The following GRIK2 variants were observed in gnomAD, a reference collection of about 807,000 sequenced individuals.
GRIK2 encodes the protein glutamate receptor ionotropic, kainate 2.
GRIK2 carries 32 observed loss-of-function variants against 100.3 expected under a neutral mutation model. The ratio of observed to expected loss-of-function variants is 0.32; its 90% CI spans 0.24 to 0.43. The LOEUF is 0.43. Among genes scored for constraint, GRIK2 ranks in the 20% least tolerant of loss-of-function variants. GRIK2 has a pLI of 1.00. For synonymous variants in GRIK2, 417 were observed against 389.4 expected (o/e 1.07, Z -0.83); for missense variants, 843 against 1,114.9 (o/e 0.76, Z 3.47).
chr6:101,775,561 TAC>T (rs1464339063), intron 7 of GRIK2, among the ~76,000 whole-genome samples: 17 of 149,934 alleles, frequency 1.1e-4, no homozygotes, highest in South Asian at 4.2e-4. Context: ...GATATATATA[TAC>T]ACACACACAC....
At chr6:101,503,457 C>T (rs1649693490) in intron 2 of GRIK2, among the ~76,000 whole-genome samples, 1 of 152,066 alleles carries the variant, frequency 6.6e-6, no homozygotes, top group African/African-American at 2.4e-5. Context: ...TATCCAAAGT[C>T]ATCATTTTTG....
At chr6:101,777,589 A>T (rs1047795114) in intron 7 of GRIK2, among the ~76,000 whole-genome samples, 4 of 152,196 alleles carry the variant, frequency 2.6e-5, no homozygotes, top group Admixed American at 6.5e-5. Flanking sequence ...ACAAGGCAAT[A>T]GGGATTTTTT....
At chr6:101,516,188 A>G (rs1774575656) in intron 2 of GRIK2, among the ~76,000 whole-genome samples, 1 of 152,128 alleles carries the variant, frequency 6.6e-6, no homozygotes, top group Non-Finnish European at 1.5e-5. Context: ...ATTCAATGCA[A>G]TCCCCATCAG....
At chr6:101,924,991 G>A (rs532551421) in intron 13 of GRIK2, among the ~76,000 whole-genome samples, 3 of 152,044 alleles carry the variant, frequency 2.0e-5, no homozygotes, top group African/African-American at 7.2e-5. Context: ...AGATAACCAA[G>A]CTAACCTGAT....
intron 4 of GRIK2, among the ~76,000 whole-genome samples, chr6:101,639,730 A>G (rs1016168348): frequency 5.3e-5 from 8 of 152,176 alleles, no homozygotes. Flanking sequence ...CAGAGATAAC[A>G]TTATCTAAGC....
At chr6:101,954,575 A>G (rs907950912) in intron 14 of GRIK2, among the ~76,000 whole-genome samples, 34 of 152,154 alleles carry the variant, frequency 2.2e-4, no homozygotes, top group Non-Finnish European at 2.1e-4. Flanking sequence ...GCAGTGGGTT[A>G]GAACTCTTCT....
intron 5 of GRIK2, among the ~76,000 whole-genome samples, chr6:101,680,351 TTGTTC>T (rs1207221086): frequency 6.6e-6 from 1 of 152,140 alleles, no homozygotes; most frequent in South Asian, 2.1e-4. Context: ...GAGTCAAAAA[TTGTTC>T]TACAACTTTG....
intron 2 of GRIK2, among the ~76,000 whole-genome samples, chr6:101,581,192 ACATATATATACG>A (rs1450483232): frequency 6.6e-6 from 1 of 150,562 alleles, no homozygotes; most frequent in Non-Finnish European, 1.5e-5. Context: ...ACACACACAC[ACATATATATACG>A]CATATATATA....
intron 10 of GRIK2, among the ~76,000 whole-genome samples, chr6:101,826,166 G>C (rs1413776110): frequency 6.6e-6 from 1 of 152,096 alleles, no homozygotes; most frequent in Non-Finnish European, 1.5e-5. Flanking sequence ...ATTATTCTAA[G>C]AAAGTTCAAC....
At chr6:101,808,984 A>G (rs1363416742) in intron 9 of GRIK2, among the ~76,000 whole-genome samples, 1 of 151,464 alleles carries the variant, frequency 6.6e-6, no homozygotes, top group Non-Finnish European at 1.5e-5. Context: ...TTAATAATAT[A>G]AATATAAAAA....
intron 16 of GRIK2, among the ~76,000 whole-genome samples, chr6:102,067,099 G>A (rs1034254): frequency 0.39 from 59,006 of 151,420 alleles, 11,762 homozygotes; most frequent in Middle Eastern, 0.47. Flanking sequence ...GGCACAAACT[G>A]TTATGAAAAC....
chr6:101,882,229 C>A (rs1786301434), intron 11 of GRIK2, among the ~76,000 whole-genome samples: 2 of 152,144 alleles, frequency 1.3e-5, no homozygotes, highest in South Asian at 4.1e-4. Flanking sequence ...GGGACACAGC[C>A]AAACCATATC....
At chr6:101,495,939 G>A (rs1773420143) in intron 2 of GRIK2, among the ~76,000 whole-genome samples, 1 of 151,690 alleles carries the variant, frequency 6.6e-6, no homozygotes, top group South Asian at 2.1e-4. Flanking sequence ...TTACATATCT[G>A]AATTTTTCTT....
intron 14 of GRIK2, among the ~76,000 whole-genome samples, chr6:101,966,124 C>T (rs563671688): frequency 1.3e-4 from 19 of 151,910 alleles, no homozygotes; most frequent in Non-Finnish European, 1.8e-4. Context: ...CTTTGTCTAC[C>T]GTCATTTTGC....
At chr6:101,524,388 A>T (rs528138048) in intron 2 of GRIK2, among the ~76,000 whole-genome samples, 1 of 58,718 alleles carries the variant, frequency 1.7e-5, no homozygotes, top group Non-Finnish European at 2.7e-5. Context: ...GCCCCATTTT[A>T]TATATATATA....
chr6:101,932,462 T>C (rs1790350239), intron 14 of GRIK2, among the ~76,000 whole-genome samples: 1 of 151,976 alleles, frequency 6.6e-6, no homozygotes, highest in South Asian at 2.1e-4. Flanking sequence ...TTGGTTATAT[T>C]CTCTTTATTC....
chr6:101,804,880 G>A (rs1780891468), intron 9 of GRIK2, among the ~76,000 whole-genome samples: 1 of 151,882 alleles, frequency 6.6e-6, no homozygotes, highest in Non-Finnish European at 1.5e-5. Context: ...TGACAGACTT[G>A]ATTTTGACTT....
chr6:101,809,416 TA>T (rs1781194902), intron 9 of GRIK2, among the ~76,000 whole-genome samples: 1 of 152,044 alleles, frequency 6.6e-6, no homozygotes, highest in South Asian at 2.1e-4. Context: ...CTGCCCTCAT[TA>T]AACTTCATAT....
chr6:101,589,848 A>G (rs1166219232), intron 2 of GRIK2, among the ~76,000 whole-genome samples: 1 of 152,090 alleles, frequency 6.6e-6, no homozygotes, highest in East Asian at 1.9e-4. Flanking sequence ...GTAGTTTGGA[A>G]ACAAAGATTT....
Sources: gnomAD v4.1 joint callset for allele counts (sites outside exome capture counted in the v4.1 genomes callset) on GRCh38, gnomAD v4.1.1 for gene constraint, MANE v1.5 for transcripts, NCBI Gene and HGNC (gene_info 2026-07-23, HGNC 2026-07-21) for gene names.